CFDP1: variants seen among roughly 807,000 people sequenced by gnomAD.
CFDP1 encodes heterochromatin-stabilizing protein CFDP1.
In CFDP1, 31 loss-of-function variants were observed where a neutral mutation model predicts 40.1. That is an observed-to-expected ratio of 0.77 (90% confidence interval 0.58 to 1.04). CFDP1 has a LOEUF of 1.04. Ranked by LOEUF, CFDP1 falls within the 50% of genes least tolerant of loss-of-function variation. The probability of loss-of-function intolerance (pLI) is 0.00; values close to 1 mark genes in which losing one functional copy is unlikely to be tolerated. For missense variants in CFDP1, 423 were observed against 343.4 expected (o/e 1.23, Z -1.83); for synonymous variants, 167 against 120.0 (o/e 1.39, Z -2.56).
Position 75,393,594 on chromosome 16 carries a change from G to T in CFDP1, c.650+1496C>A, listed in dbSNP as rs374412813. 2.6e-5 allele frequency among the ~76,000 whole-genome samples: 4 copies of T among 151,330 alleles called. No individual in the cohort carries two copies. The East Asian group carries it at 7.8e-4, about 29-fold the overall frequency. On this transcript the variant is annotated intron_variant, in intron 5 of 6. Coordinates refer to ENST00000283882, the MANE Select transcript of CFDP1 (RefSeq NM_006324.3). ...AAAATACAAAAAATTAGCCGGGCGC[G>T]GTGGCGGGCGCCTGTAGTCCCAGCT...
intron 5 of CFDP1, among the ~76,000 whole-genome samples, chr16:75,343,753 C>T (rs2078542675): frequency 6.6e-6 from 1 of 152,168 alleles, no homozygotes. Context: ...CCTAGTCATA[C>T]CACTCACAGT....
chr16:75,319,722 T>A (rs935203615), intron 5 of CFDP1, among the ~76,000 whole-genome samples: 4 of 152,118 alleles, frequency 2.6e-5, no homozygotes, highest in Non-Finnish European at 5.9e-5. Context: ...CTCACAAAGC[T>A]GGGATATGGC....
chr16:75,313,008 G>A (rs959951153), intron 5 of CFDP1, among the ~76,000 whole-genome samples: 5 of 152,310 alleles, frequency 3.3e-5, no homozygotes, highest in African/African-American at 1.2e-4. Context: ...GGCAGTCTCA[G>A]TACTAGCACC....
intron 1 of CFDP1, among the ~76,000 whole-genome samples, chr16:75,429,167 C>T (rs2079379402): frequency 6.6e-6 from 1 of 152,016 alleles, no homozygotes; most frequent in Admixed American, 6.6e-5. Context: ...CTACCAGCTT[C>T]CGGAGACAAA....
intron 5 of CFDP1, 55 bp downstream of exon 5, chr16:75,395,035 C>A (rs2078984614): frequency 1.2e-6 from 2 of 1,606,916 alleles, no homozygotes; most frequent in African/African-American, 1.3e-5. Context: ...GGTATTTGCA[C>A]TGAAAGCTTC....
intron 5 of CFDP1, among the ~76,000 whole-genome samples, chr16:75,323,568 G>T (rs1271072929): frequency 6.6e-6 from 1 of 151,942 alleles, no homozygotes; most frequent in Non-Finnish European, 1.5e-5. Context: ...ATCACCTGAG[G>T]CCAGGAGTTC....
intron 5 of CFDP1, among the ~76,000 whole-genome samples, chr16:75,376,197 C>A (rs1365817155): frequency 1.3e-5 from 2 of 152,152 alleles, no homozygotes; most frequent in African/African-American, 2.4e-5. Context: ...AGTGACAGAG[C>A]AAGACCCTGT....
intron 1 of CFDP1, among the ~76,000 whole-genome samples, chr16:75,430,080 A>C (rs1364664030): frequency 6.6e-6 from 1 of 152,154 alleles, no homozygotes; most frequent in African/African-American, 2.4e-5. Context: ...AAATTTAAAA[A>C]TTTTCTTGTT....
intron 5 of CFDP1, among the ~76,000 whole-genome samples, chr16:75,380,946 T>G (rs1041167287): frequency 3.9e-5 from 6 of 152,180 alleles, no homozygotes; most frequent in African/African-American, 1.4e-4. Flanking sequence ...CAGTAGCAGT[T>G]CAATAAACTA....
intron 1 of CFDP1, among the ~76,000 whole-genome samples, chr16:75,421,099 A>T (rs950976013): frequency 2.6e-5 from 4 of 152,258 alleles, no homozygotes; most frequent in Admixed American, 2.0e-4. Context: ...ACTAGGAGGC[A>T]TGCGCACTGG....
chr16:75,303,396 A>G (rs1428714021), intron 6 of CFDP1, among the ~76,000 whole-genome samples: 2 of 60,058 alleles, frequency 3.3e-5, no homozygotes, highest in Non-Finnish European at 9.4e-5. Context: ...TAAATAAATA[A>G]ATAAATGTAT....
At chr16:75,375,418 A>C (rs970353624) in intron 5 of CFDP1, among the ~76,000 whole-genome samples, 2 of 152,192 alleles carry the variant, frequency 1.3e-5, no homozygotes, top group Non-Finnish European at 2.9e-5. Context: ...TTACACATGA[A>C]AAGATGTCAT....
chr16:75,297,146 T>TTGTGTGTGTGTGTGTGTGTG (rs71158596), intron 6 of CFDP1, among the ~76,000 whole-genome samples: 1 of 133,084 alleles, frequency 7.5e-6, no homozygotes, highest in African/African-American at 2.7e-5. Flanking sequence ...TTCCCATTTC[T>TTGTGTGTGTGTGTGTGTGTG]TGTGTGTGTG....
At chr16:75,333,342 C>G (rs1375899245) in intron 5 of CFDP1, among the ~76,000 whole-genome samples, 1 of 151,842 alleles carries the variant, frequency 6.6e-6, no homozygotes, top group Non-Finnish European at 1.5e-5. Flanking sequence ...CCAGGATGGT[C>G]TCGATCTCCT....
intron 1 of CFDP1, among the ~76,000 whole-genome samples, chr16:75,422,502 C>A (rs185385659): frequency 6.7e-6 from 1 of 149,534 alleles, no homozygotes; most frequent in Non-Finnish European, 1.5e-5. Flanking sequence ...TCAAGTGATT[C>A]TCCTGCCTCA....
intron 5 of CFDP1, among the ~76,000 whole-genome samples, chr16:75,371,731 G>C (rs1410401419): frequency 6.6e-6 from 1 of 152,176 alleles, no homozygotes; most frequent in Non-Finnish European, 1.5e-5. Context: ...GTGAATTTCA[G>C]TCTTGGTGTA....
chr16:75,361,600 G>A (rs1256684876), intron 5 of CFDP1, among the ~76,000 whole-genome samples: 1 of 152,092 alleles, frequency 6.6e-6, no homozygotes, highest in Non-Finnish European at 1.5e-5. Context: ...CTGGGCAACA[G>A]AGCAAGACTA....
At chr16:75,316,978 G>A (rs117717544) in intron 5 of CFDP1, among the ~76,000 whole-genome samples, 10 of 151,614 alleles carry the variant, frequency 6.6e-5, no homozygotes, top group Admixed American at 2.0e-4. Context: ...TGAAAACTCC[G>A]TCTCAAAAAA....
At position 75,345,646 on chromosome 16, in the gene CFDP1, A is replaced by T. The variant is rs146073621; in HGVS notation, c.651-40464T>A. On this transcript the variant is annotated intron_variant, in intron 5 of 6. Coordinates refer to ENST00000283882, the MANE Select transcript of CFDP1 (RefSeq NM_006324.3). ...GATGACAAAGACCCTGTCTCTTAAA[A>T]AAGAAAGAAAAGAACATCCCAAAGT... is the stretch of plus-strand genomic sequence containing the variant. 5.7e-3 allele frequency among the ~76,000 whole-genome samples: 866 copies of T among 152,282 alleles called. 7 individuals carry two copies. Among genetic ancestry groups the T allele is most frequent in the African/African-American group, 0.019 (810 of 41,562 alleles).
Sources: gnomAD v4.1 joint callset for allele counts (sites outside exome capture counted in the v4.1 genomes callset) on GRCh38, gnomAD v4.1.1 for gene constraint, MANE v1.5 for transcripts, NCBI Gene and HGNC (gene_info 2026-07-23, HGNC 2026-07-21) for gene names.